The following EIF3E variants were observed in gnomAD, a reference collection of about 807,000 sequenced individuals.
The protein encoded by EIF3E is eukaryotic translation initiation factor 3 subunit E, also known as eIF-3 p48.
Under a neutral mutation model 59.3 loss-of-function variants are expected in EIF3E, and 25 were observed. The ratio of observed to expected loss-of-function variants is 0.42; its 90% confidence interval spans 0.31 to 0.59. EIF3E has a LOEUF of 0.59. Among genes scored for constraint, EIF3E ranks in the 20% least tolerant of loss-of-function variants. EIF3E has a pLI of 0.15. For synonymous variants in EIF3E, 176 were observed against 170.2 expected (o/e 1.03, Z -0.26); for missense variants, 317 against 534.3 (o/e 0.59, Z 4.01).
Position 108,241,881 on chromosome 8 carries a change from T to C in EIF3E, c.123A>G (p.Lys41=). 6.3e-7 allele frequency: 1 copy of C among 1,599,700 alleles called. No individual in the cohort carries two copies. Among genetic ancestry groups the C allele is most frequent in the Non-Finnish European group, 8.5e-7 (1 of 1,175,464 alleles). Reference sequence around the variant, plus strand: ...TGTTGGTATCACTAAGAAGGTCCAATTTACCTTGTAATAATTCCTTTTCAT... The same window carrying C: ...TGTTGGTATCACTAAGAAGGTCCAACTTACCTTGTAATAATTCCTTTTCAT... The part of the protein sequence containing the change: ...IYNEKELLQG[K]LDLLSDTNMV... The change falls in exon 2 of 13, where the codon AAA becomes AAG. Residue 41 remains lysine, a synonymous_variant. Transcript: ENST00000220849.
chr8:108,240,364 G>A (rs138266236), intron 2 of EIF3E, among the ~76,000 whole-genome samples: 1 of 152,246 alleles, frequency 6.6e-6, no homozygotes, highest in East Asian at 1.9e-4. Context: ...AAGAAAAAAA[G>A]GGTAGGACCC....
intron 7 of EIF3E, among the ~76,000 whole-genome samples, chr8:108,223,978 G>T (rs1178990115): frequency 6.6e-6 from 1 of 151,108 alleles, no homozygotes; most frequent in Non-Finnish European, 1.5e-5. Flanking sequence ...AGCACTTTGG[G>T]ATTCCAAGGT....
intron 5 of EIF3E, among the ~76,000 whole-genome samples, chr8:108,232,936 C>T (rs745731614): frequency 9.2e-5 from 14 of 152,202 alleles, no homozygotes; most frequent in Non-Finnish European, 1.8e-4. Flanking sequence ...TCACTCCCAG[C>T]ATTAACAAAT....
intron 9 of EIF3E, among the ~76,000 whole-genome samples, chr8:108,215,005 G>C (rs1159159220): frequency 6.6e-6 from 1 of 152,140 alleles, no homozygotes; most frequent in African/African-American, 2.4e-5. Flanking sequence ...TGCAGATAAT[G>C]TTATCTCTTC....
At chr8:108,203,741 CAT>C (rs1815039924) in intron 10 of EIF3E, among the ~76,000 whole-genome samples, 1 of 152,034 alleles carries the variant, frequency 6.6e-6, no homozygotes, top group South Asian at 2.1e-4. Context: ...GGTAGGGTAA[CAT>C]ATTCTGCATT....
chr8:108,230,790 T>C (rs182841771), intron 5 of EIF3E, among the ~76,000 whole-genome samples: 69 of 152,300 alleles, frequency 4.5e-4, no homozygotes, highest in Non-Finnish European at 8.2e-4. Flanking sequence ...TAGATGAATA[T>C]ATTAAACAGA....
chr8:108,202,941 G>T, intron 12 of EIF3E, 42 bp downstream of exon 12: 2 of 1,570,194 alleles, frequency 1.3e-6, no homozygotes, highest in South Asian at 1.2e-5. Context: ...CAATTACATG[G>T]TTGCTAAACC....
At chr8:108,224,422 GTAAA>G (rs1261369448) in intron 7 of EIF3E, among the ~76,000 whole-genome samples, 1 of 151,292 alleles carries the variant, frequency 6.6e-6, no homozygotes, top group Non-Finnish European at 1.5e-5. Context: ...AATCTCAACA[GTAAA>G]TAGCTCTCCC....
chr8:108,237,880 TA>T (rs1386686565), intron 3 of EIF3E, among the ~76,000 whole-genome samples: 1 of 152,196 alleles, frequency 6.6e-6, no homozygotes, highest in Non-Finnish European at 1.5e-5. Context: ...CAATGAAATT[TA>T]AAAAGGGTGA....
At chr8:108,236,826 A>G (rs1435645337) in intron 3 of EIF3E, among the ~76,000 whole-genome samples, 1 of 152,112 alleles carries the variant, frequency 6.6e-6, no homozygotes, top group African/African-American at 2.4e-5. Context: ...GTTCAAGACC[A>G]GCCTGGCAAA....
At chr8:108,218,870 G>A (rs940017797) in intron 7 of EIF3E, among the ~76,000 whole-genome samples, 3 of 138,158 alleles carry the variant, frequency 2.2e-5, no homozygotes, top group Non-Finnish European at 3.0e-5. Flanking sequence ...TGAAACCTCC[G>A]CTTCCCAGAT....
intron 7 of EIF3E, among the ~76,000 whole-genome samples, chr8:108,225,996 C>T (rs930116256): frequency 2.6e-5 from 4 of 152,078 alleles, no homozygotes; most frequent in Admixed American, 6.5e-5. Context: ...TTAACATAAT[C>T]GGTACCTTCT....
intron 7 of EIF3E, among the ~76,000 whole-genome samples, chr8:108,218,257 C>T (rs1379585242): frequency 6.6e-6 from 1 of 152,164 alleles, no homozygotes; most frequent in African/African-American, 2.4e-5. Context: ...TCTCCCATCA[C>T]ACTACCATTG....
At position 108,228,311 on chromosome 8, in the gene EIF3E, G is replaced by C. The variant is rs756197860; in HGVS notation, c.678C>G (p.Pro226=). 6.2e-7 allele frequency: 1 copy of C among 1,608,520 alleles called. No homozygotes were observed. The highest frequency in any genetic ancestry group is 1.1e-5 in the South Asian group (1 of 90,420). ...HWSLFVFFNH[P]KGRDNIIDLF... Reference sequence around the variant, plus strand: ...GGTCAATAATATTATCGCGACCTTTGGGGTGATTGAAGAAAACAAACAGAG... The same window carrying C: ...GGTCAATAATATTATCGCGACCTTTCGGGTGATTGAAGAAAACAAACAGAG... Residue 226 remains proline, a synonymous_variant, in exon 7 of 13, where the codon CCC becomes CCG. Coordinates refer to ENST00000220849, the MANE Select transcript of EIF3E (RefSeq NM_001568.3).
chr8:108,205,678 G>A (rs1236491865), intron 10 of EIF3E, among the ~76,000 whole-genome samples: 1 of 152,132 alleles, frequency 6.6e-6, no homozygotes, highest in East Asian at 1.9e-4. Flanking sequence ...TCATCCCTTT[G>A]TCCAGCATAT....
intron 3 of EIF3E, 128 bp downstream of exon 3, chr8:108,239,830 T>A (rs1156805229): frequency 1.4e-6 from 1 of 737,278 alleles, no homozygotes; most frequent in Admixed American, 2.4e-5. Flanking sequence ...TAAACAAAAA[T>A]TAAAAATGAA....
At chr8:108,245,903 T>C (rs1217896951) in intron 1 of EIF3E, among the ~76,000 whole-genome samples, 1 of 152,206 alleles carries the variant, frequency 6.6e-6, no homozygotes, top group Non-Finnish European at 1.5e-5. Flanking sequence ...TGCAATGTAA[T>C]AGTCTCCCCT....
intron 10 of EIF3E, 35 bp downstream of exon 10, chr8:108,214,572 A>G: frequency 6.9e-7 from 1 of 1,439,522 alleles, no homozygotes; most frequent in African/African-American, 1.5e-5. Context: ...GGAATTTTAA[A>G]GTAGAAAATC....
intron 5 of EIF3E, among the ~76,000 whole-genome samples, chr8:108,231,259 A>G (rs1815616282): frequency 6.6e-6 from 1 of 152,172 alleles, no homozygotes; most frequent in South Asian, 2.1e-4. Flanking sequence ...CAATTTTAAC[A>G]TACATTATTA....
Sources: allele counts gnomAD v4.1 joint callset (sites outside exome capture counted in the v4.1 genomes callset), GRCh38; gene constraint gnomAD v4.1.1; transcripts MANE v1.5; gene names NCBI Gene and HGNC (gene_info 2026-07-23, HGNC 2026-07-21).